MAGI2: variants seen among roughly 807,000 people sequenced by gnomAD.
MAGI2 encodes membrane-associated guanylate kinase, WW and PDZ domain-containing protein 2.
In MAGI2, 35 loss-of-function variants were observed where a neutral mutation model predicts 133.3. The ratio of observed to expected loss-of-function variants is 0.26; its 90% CI spans 0.20 to 0.35. The LOEUF is 0.35. MAGI2 is among the 10% of genes least tolerant of loss of function. MAGI2 has a pLI of 1.00. For synonymous variants in MAGI2, 729 were observed against 710.6 expected, an observed-to-expected ratio of 1.03 and a Z score of -0.41; for missense variants, 1,636 against 1,863.4, an observed-to-expected ratio of 0.88 and a Z score of 2.25.
At chr7:78,603,549 A>C (rs1805441581) in intron 3 of MAGI2, among the ~76,000 whole-genome samples, 1 of 152,150 alleles carries the variant, frequency 6.6e-6, no homozygotes, top group Non-Finnish European at 1.5e-5. Flanking sequence ...TTTGAGATGG[A>C]GTCTTGCCCT....
chr7:78,453,290 A>T (rs2160321), intron 6 of MAGI2, among the ~76,000 whole-genome samples: 1 of 152,012 alleles, frequency 6.6e-6, no homozygotes, highest in East Asian at 1.9e-4. Flanking sequence ...CTTCATTAAC[A>T]TCATATAATC....
At chr7:78,744,053 G>T (rs1822688346) in intron 2 of MAGI2, among the ~76,000 whole-genome samples, 1 of 152,034 alleles carries the variant, frequency 6.6e-6, no homozygotes, top group African/African-American at 2.4e-5. Context: ...ATAAAGAGAA[G>T]AAATGCTAAA....
chr7:79,203,752 G>A (rs543657943), intron 1 of MAGI2, among the ~76,000 whole-genome samples: 7 of 152,046 alleles, frequency 4.6e-5, no homozygotes, highest in South Asian at 2.1e-4. Context: ...CGCCACCAAC[G>A]CACCAATGTA....
At chr7:78,504,821 C>T (rs1488895602) in intron 4 of MAGI2, among the ~76,000 whole-genome samples, 1 of 152,008 alleles carries the variant, frequency 6.6e-6, no homozygotes, top group Non-Finnish European at 1.5e-5. Flanking sequence ...TAGTGTTTGT[C>T]ATTACCATGG....
At chr7:78,796,644 G>T (rs190406039) in intron 2 of MAGI2, among the ~76,000 whole-genome samples, 58 of 152,200 alleles carry the variant, frequency 3.8e-4, no homozygotes, top group African/African-American at 1.1e-3. Flanking sequence ...ATATTCAAAA[G>T]AAAGGTAATC....
At chr7:78,865,694 G>A (rs1430363610) in intron 2 of MAGI2, among the ~76,000 whole-genome samples, 1 of 152,158 alleles carries the variant, frequency 6.6e-6, no homozygotes, top group African/African-American at 2.4e-5. Context: ...AAAGAAAATA[G>A]CATTTTGTTA....
At chr7:79,034,092 C>G (rs1164042643) in intron 1 of MAGI2, among the ~76,000 whole-genome samples, 2 of 152,134 alleles carry the variant, frequency 1.3e-5, no homozygotes, top group Non-Finnish European at 2.9e-5. Context: ...ATTCTTCCAT[C>G]TACGCTAAAT....
intron 3 of MAGI2, among the ~76,000 whole-genome samples, chr7:78,600,324 A>T (rs1805060937): frequency 6.6e-6 from 1 of 152,266 alleles, no homozygotes; most frequent in South Asian, 2.1e-4. Context: ...AGACATATAG[A>T]TGGAGAGTTA....
chr7:78,593,846 G>C (rs1159524200), intron 3 of MAGI2, among the ~76,000 whole-genome samples: 1 of 152,030 alleles, frequency 6.6e-6, no homozygotes, highest in Non-Finnish European at 1.5e-5. Context: ...TCCAAGGTAC[G>C]GGAACTTTTG....
At chr7:78,838,832 TG>T (rs1584099167) in intron 2 of MAGI2, among the ~76,000 whole-genome samples, 1 of 152,060 alleles carries the variant, frequency 6.6e-6, no homozygotes. Context: ...ATTGTTTCCC[TG>T]TTAAGCAAAT....
At chr7:78,914,657 C>T (rs946430864) in intron 2 of MAGI2, among the ~76,000 whole-genome samples, 3 of 152,122 alleles carry the variant, frequency 2.0e-5, no homozygotes, top group Non-Finnish European at 4.4e-5. Flanking sequence ...TAGGAAGGAA[C>T]TCCTGATTCA....
chr7:78,872,729 T>C (rs561770250), intron 2 of MAGI2, among the ~76,000 whole-genome samples: 16 of 152,166 alleles, frequency 1.1e-4, no homozygotes, highest in Non-Finnish European at 2.4e-4. Flanking sequence ...TTTCTACCTC[T>C]GAGGGAAATA....
intron 10 of MAGI2, among the ~76,000 whole-genome samples, chr7:78,222,005 G>T (rs1022139535): frequency 6.6e-6 from 1 of 151,850 alleles, no homozygotes; most frequent in Non-Finnish European, 1.5e-5. Flanking sequence ...AGCTATGATT[G>T]CATGACTGTA....
chr7:78,335,680 A>G (rs1332682243), intron 9 of MAGI2, among the ~76,000 whole-genome samples: 1 of 152,226 alleles, frequency 6.6e-6, no homozygotes, highest in Non-Finnish European at 1.5e-5. Context: ...GGAAGACAAA[A>G]AAATGACCAG....
chr7:79,366,556 A>G (rs371800770), intron 1 of MAGI2, among the ~76,000 whole-genome samples: 144 of 152,314 alleles, frequency 9.5e-4, no homozygotes, highest in African/African-American at 3.3e-3. Flanking sequence ...CACATAAATG[A>G]TTCCAAATAG....
intron 1 of MAGI2, among the ~76,000 whole-genome samples, chr7:79,261,531 A>T (rs1834090633): frequency 1.3e-5 from 2 of 152,138 alleles, no homozygotes; most frequent in African/African-American, 4.8e-5. Context: ...ATTTCCTTCA[A>T]GTTGCTCAAA....
At chr7:79,162,231 C>T (rs559135148) in intron 1 of MAGI2, among the ~76,000 whole-genome samples, 111 of 152,074 alleles carry the variant, frequency 7.3e-4, no homozygotes, top group African/African-American at 1.3e-3. Context: ...GGTGGCCTAA[C>T]GGAATGGGTT....
intron 6 of MAGI2, chr7:78,484,658 T>C (rs1792782833): frequency 6.9e-6 from 1 of 145,558 alleles, no homozygotes; most frequent in African/African-American, 2.6e-5. Context: ...TAATTCAAAG[T>C]TGTTAAGGTA....
In MAGI2 at chr7:78,548,691, G is replaced by A. The variant is rs530908328; in HGVS notation, c.539-27046C>T. ...GCCTGGGTGACAAGAGTGAAACTCC[G>A]TCTCAAAACAAAACAAAACAAAAAC... On this transcript the variant is annotated intron_variant, in intron 3 of 21. Transcript: ENST00000354212. Among the ~76,000 whole-genome samples the A allele has an allele frequency of 3.9e-5, 6 of 152,174 alleles. No individual in the cohort carries two copies. The South Asian group carries it at 6.2e-4, about 16-fold the overall frequency.
Sources: allele counts gnomAD v4.1 joint callset (sites outside exome capture counted in the v4.1 genomes callset), GRCh38; gene constraint gnomAD v4.1.1; transcripts MANE v1.5; gene names NCBI Gene and HGNC (gene_info 2026-07-23, HGNC 2026-07-21).